Variants in ARHGEF10 observed in about 807,000 individuals in gnomAD.
ARHGEF10 encodes Rho guanine nucleotide exchange factor (GEF) 10.
A neutral mutation model predicts 147.4 loss-of-function variants in ARHGEF10; 140 were observed. That is an observed-to-expected ratio of 0.95 (90% confidence interval 0.83 to 1.09). ARHGEF10 has a LOEUF of 1.09. Ranked by LOEUF, ARHGEF10 falls within the 50% of genes least tolerant of loss-of-function variation. The probability of loss-of-function intolerance (pLI) is 0.00; values close to 1 mark genes in which losing one functional copy is unlikely to be tolerated. For missense variants in ARHGEF10, 2,222 were observed against 1,752.7 expected (o/e 1.27, Z -4.78); for synonymous variants, 902 against 695.8 (o/e 1.30, Z -4.67).
At chr8:1,851,488 C>T (rs905202571) in intron 2 of ARHGEF10, among the ~76,000 whole-genome samples, 3 of 149,044 alleles carry the variant, frequency 2.0e-5, no homozygotes, top group Non-Finnish European at 4.4e-5. Flanking sequence ...GTGTTCCACT[C>T]TGGCAAAGGA....
chr8:1,918,374 ACTC>A (rs902800974), intron 18 of ARHGEF10, among the ~76,000 whole-genome samples: 4 of 150,300 alleles, frequency 2.7e-5, no homozygotes, highest in African/African-American at 9.8e-5. Context: ...AGGTCGAGGA[ACTC>A]CTCCTCATCT....
rs764672370 is a variant in ARHGEF10, at chr8:1,880,105, A to C, written c.901A>C (p.Met301Leu). ...EHYEKKMRDL[M>L]ASTVGVVEIQ... is the part of the protein sequence containing the mutation. ...CTATGAGAAAAAGATGAGAGATTTG[A>C]TGGCAAGCACGGTGGGCGTGGTGGA... Residue 301 changes from methionine (M) to leucine (L), a missense_variant, in exon 9 of 29, where the codon ATG becomes CTG. Transcript: ENST00000349830. The C allele has an allele frequency of 2.0e-5, 33 of 1,614,082 alleles. No individual in the cohort carries two copies. The highest frequency in any genetic ancestry group is 2.7e-5 in the Non-Finnish European group (32 of 1,180,034).
At chr8:1,837,587 G>A (rs1283467936) in intron 1 of ARHGEF10, among the ~76,000 whole-genome samples, 5 of 152,216 alleles carry the variant, frequency 3.3e-5, no homozygotes, top group East Asian at 1.9e-4. Flanking sequence ...ACAAAGCCAC[G>A]TGGCTGTTAG....
intron 26 of ARHGEF10, among the ~76,000 whole-genome samples, chr8:1,941,212 T>C (rs535977752): frequency 1.6e-4 from 25 of 152,322 alleles, no homozygotes; most frequent in African/African-American, 5.8e-4. Flanking sequence ...TGTAGAATAT[T>C]CTGAGGAATT....
intron 2 of ARHGEF10, among the ~76,000 whole-genome samples, chr8:1,843,943 C>G (rs1804298802): frequency 6.6e-6 from 1 of 152,218 alleles, no homozygotes; most frequent in African/African-American, 2.4e-5. Flanking sequence ...TTCATTGTCA[C>G]CTCACCTGAG....
chr8:1,905,777 G>T, intron 17 of ARHGEF10, 61 bp downstream of exon 17: 2 of 1,591,150 alleles, frequency 1.3e-6, no homozygotes, highest in Non-Finnish European at 1.7e-6. Context: ...TTGCCTAAGG[G>T]CACATGCATG....
At chr8:1,913,679 C>G (rs747854644) in intron 18 of ARHGEF10, among the ~76,000 whole-genome samples, 1 of 152,210 alleles carries the variant, frequency 6.6e-6, no homozygotes, top group Non-Finnish European at 1.5e-5. Context: ...AAGGCCGCTG[C>G]CTCCCTGTGT....
At chr8:1,843,041 C>G (rs770948962) in intron 1 of ARHGEF10, among the ~76,000 whole-genome samples, 1 of 152,248 alleles carries the variant, frequency 6.6e-6, no homozygotes, top group Admixed American at 6.5e-5. Flanking sequence ...GTGGGAAATT[C>G]AGCAAGGAGT....
intron 28 of ARHGEF10, among the ~76,000 whole-genome samples, chr8:1,955,230 T>C (rs13267922): frequency 0.25 from 30,081 of 121,610 alleles, 363 homozygotes; most frequent in Non-Finnish European, 0.29. Flanking sequence ...TGAAAGGAGG[T>C]GCACTCTCAC....
At chr8:1,915,896 CG>C in intron 18 of ARHGEF10, among the ~76,000 whole-genome samples, 1 of 152,302 alleles carries the variant, frequency 6.6e-6, no homozygotes, top group South Asian at 2.1e-4. Flanking sequence ...TGAACTTAGA[CG>C]CCGATGCATC....
At chr8:1,892,058 A>G (rs910155144) in intron 11 of ARHGEF10, among the ~76,000 whole-genome samples, 1 of 150,452 alleles carries the variant, frequency 6.6e-6, no homozygotes, top group African/African-American at 2.4e-5. Context: ...TATATACACA[A>G]ATACATTTTT....
At chr8:1,862,964 T>A (rs1359825736) in intron 4 of ARHGEF10, among the ~76,000 whole-genome samples, 1 of 151,638 alleles carries the variant, frequency 6.6e-6, no homozygotes, top group Non-Finnish European at 1.5e-5. Flanking sequence ...ATTTTTTTTT[T>A]AGTAGAGACA....
intron 11 of ARHGEF10, among the ~76,000 whole-genome samples, chr8:1,888,842 G>C (rs1585407022): frequency 8.5e-6 from 1 of 117,328 alleles, no homozygotes; most frequent in Non-Finnish European, 1.6e-5. Flanking sequence ...CACTGAATAG[G>C]GTGAGGTTTG....
chr8:1,935,369 G>A (rs1487330229), intron 26 of ARHGEF10, among the ~76,000 whole-genome samples: 1 of 152,072 alleles, frequency 6.6e-6, no homozygotes, highest in African/African-American at 2.4e-5. Flanking sequence ...GTGGGTTTGG[G>A]CAAATGTATC....
chr8:1,827,854 T>C (rs1023882437), intron 1 of ARHGEF10, among the ~76,000 whole-genome samples: 8 of 152,184 alleles, frequency 5.3e-5, no homozygotes, highest in South Asian at 2.1e-4. Context: ...AAGTAAAATA[T>C]GGTATCCAGA....
chr8:1,951,616 G>A (rs1815056324), intron 27 of ARHGEF10, among the ~76,000 whole-genome samples: 1 of 152,118 alleles, frequency 6.6e-6, no homozygotes, highest in Middle Eastern at 3.2e-3. Flanking sequence ...TCAAATGCAG[G>A]GATATTTAAA....
At chr8:1,882,918 C>T (rs1808342014) in intron 10 of ARHGEF10, among the ~76,000 whole-genome samples, 169 bp downstream of exon 10, 1 of 152,210 alleles carries the variant, frequency 6.6e-6, no homozygotes, top group African/African-American at 2.4e-5. Flanking sequence ...CCCCAGCCTC[C>T]CCGTCCTGCA....
chr8:1,826,067 CA>C, intron 1 of ARHGEF10: 1 of 1,575,440 alleles, frequency 6.3e-7, no homozygotes, highest in Non-Finnish European at 8.6e-7. Flanking sequence ...CTGGCTTTAG[CA>C]GCCAACATCG....
intron 15 of ARHGEF10, among the ~76,000 whole-genome samples, chr8:1,900,348 G>C (rs1422770689): frequency 2.0e-5 from 3 of 152,126 alleles, no homozygotes; most frequent in East Asian, 1.9e-4. Context: ...CAGCCGTCCT[G>C]GGGAGGTCGT....
Sources: gnomAD v4.1 joint callset for allele counts (sites outside exome capture counted in the v4.1 genomes callset) on GRCh38, gnomAD v4.1.1 for gene constraint, MANE v1.5 for transcripts, NCBI Gene and HGNC (gene_info 2026-07-23, HGNC 2026-07-21) for gene names.